Variants in ZDHHC9 observed in about 807,000 individuals in gnomAD.
ZDHHC9 encodes zDHHC palmitoyltransferase 9, also known as palmitoyltransferase ZDHHC9.
ZDHHC9 carries 3 observed loss-of-function variants against 26.6 expected under a neutral mutation model. The ratio of observed to expected loss-of-function variants is 0.11; its 90% CI spans 0.05 to 0.29. ZDHHC9 has a LOEUF of 0.29. ZDHHC9 is among the 10% of genes least tolerant of loss of function. The pLI is 1.00. For synonymous variants in ZDHHC9, 111 were observed against 109.4 expected, an observed-to-expected ratio of 1.01 and a Z score of -0.09; for missense variants, 146 against 296.4, an observed-to-expected ratio of 0.49 and a Z score of 3.73.
intron 5 of ZDHHC9, among the ~76,000 whole-genome samples, chrX:129,822,143 C>T (rs1003389562): frequency 9.0e-6 from 1 of 111,078 alleles, no homozygotes; most frequent in African/African-American, 3.3e-5. Flanking sequence ...ACCATAAAGA[C>T]ACATGCACAC....
intron 3 of ZDHHC9, among the ~76,000 whole-genome samples, chrX:129,840,371 A>G (rs1737873): frequency 0.2 from 21,935 of 110,796 alleles, 4,253 homozygotes; most frequent in African/African-American, 0.59. Flanking sequence ...AAGAAGCAGG[A>G]CAGGAATGAG....
At position 129,806,398 on chromosome X, in the gene ZDHHC9, G is replaced by C; in HGVS notation, c.1067C>G (p.Pro356Arg). The part of the protein sequence containing the change: ...EMPPPEPPEP[P>R]QEAAEAEK ...CTTCTCAGCTTCAGCTGCCTCCTGT[G>C]GTGGCTCTGGGGGCTCTGGAGGTGG... is the stretch of plus-strand genomic sequence containing the variant. Residue 356 changes from proline (P) to arginine (R), a missense_variant, in exon 11 of 11, where the codon CCA becomes CGA. This residue lies in a region of ZDHHC9 where 46 missense variants were observed against 46.4 expected (regional missense o/e 0.99). Transcript: ENST00000357166. The C allele has an allele frequency of 8.3e-7, 1 of 1,211,458 alleles. No homozygotes were observed. Among genetic ancestry groups the C allele is most frequent in the Non-Finnish European group, 1.1e-6 (1 of 895,231 alleles).
At chrX:129,833,872 C>T (rs757460073) in intron 3 of ZDHHC9, among the ~76,000 whole-genome samples, 1 of 111,470 alleles carries the variant, frequency 9.0e-6, no homozygotes, top group Admixed American at 9.5e-5. Flanking sequence ...GGATCAGAGC[C>T]CCATGATACT....
Position 129,810,905 on chromosome X carries a change from T to G in ZDHHC9, c.978A>C (p.Pro326=), listed in dbSNP as rs759600399. 8.3e-7 allele frequency: 1 copy of G among 1,209,109 alleles called. No homozygotes were observed. Among genetic ancestry groups the G allele is most frequent in the Non-Finnish European group, 1.1e-6 (1 of 893,263 alleles). ...ETSSSLLPQS[P]APTEHLNSNE... is the part of the protein sequence containing the mutation. ...CCAGCCTTAAGTCAGGAACACTTAC[T>G]GGGCTCTGTGGCAAGAGGCTGCTAC... The change falls in exon 10 of 11, where the codon CCA becomes CCC. Residue 326 remains proline, a splice_region_variant and synonymous_variant. Coordinates refer to ENST00000357166, the MANE Select transcript of ZDHHC9 (RefSeq NM_016032.4).
In ZDHHC9 at chrX:129,816,085, T is replaced by C. The variant is rs181307459; in HGVS notation, c.488-1290A>G. On this transcript the variant is annotated intron_variant, in intron 5 of 10. Transcript: ENST00000357166. ...CACAGGTTTTGCATCTTGTGAATAC[T>C]GTACATTTGAACCTTGAACAACTCA... Among the ~76,000 whole-genome samples the C allele has an allele frequency of 4.2e-3, 475 of 112,221 alleles. 2 individuals are homozygous for C. The highest frequency in any genetic ancestry group is 0.015 in the African/African-American group (450 of 30,901).
At chrX:129,834,403 T>C (rs73565445) in intron 3 of ZDHHC9, among the ~76,000 whole-genome samples, 9,076 of 111,668 alleles carry the variant, frequency 0.081, 915 homozygotes, top group African/African-American at 0.28. Flanking sequence ...CAGAGTCTGC[T>C]GAGAGGGGAA....
intron 5 of ZDHHC9, 24 bp downstream of exon 5, chrX:129,823,655 C>T (rs1927942267): frequency 2.5e-6 from 3 of 1,209,857 alleles, no homozygotes; most frequent in African/African-American, 1.7e-5. Context: ...TTTCCCTAGG[C>T]AATGTCCCTG....
At chrX:129,832,778 G>A (rs988744240) in intron 3 of ZDHHC9, among the ~76,000 whole-genome samples, 9 of 83,110 alleles carry the variant, frequency 1.1e-4, no homozygotes, top group African/African-American at 4.2e-4. Context: ...GCAAGACTCC[G>A]TCTCAAAAAT....
intron 5 of ZDHHC9, 75 bp downstream of exon 5, chrX:129,823,603 CA>C: frequency 8.7e-7 from 1 of 1,154,608 alleles, no homozygotes. Context: ...TCCCTCCTCC[CA>C]AAATTGGTGA....
Position 129,812,736 on chromosome X carries a change from G to A in ZDHHC9, c.759C>T (p.Asn253=). Residue 253 remains asparagine (N), a synonymous_variant, in exon 8 of 11, where the codon AAC becomes AAT. Transcript: ENST00000357166. ...TGFHTFLVAL[N]QTTNEDIKGS... ...GACTCACGTCTTCATTGGTTGTCTG[G>A]TTGAGAGCCACGAGGAAAGTATGAA... 1.7e-6 allele frequency: 2 copies of A among 1,210,229 alleles called. No individual in the cohort carries two copies. Among genetic ancestry groups the A allele is most frequent in the Non-Finnish European group, 1.1e-6 (1 of 894,118 alleles).
At chrX:129,815,631 A>G (rs762656797) in intron 5 of ZDHHC9, among the ~76,000 whole-genome samples, 103 of 111,796 alleles carry the variant, frequency 9.2e-4, no homozygotes, top group African/African-American at 3.2e-3. Flanking sequence ...TACACATTGC[A>G]TGCCTGTATC....
chrX:129,817,722 C>A (rs1348297396), intron 5 of ZDHHC9, among the ~76,000 whole-genome samples: 2 of 110,060 alleles, frequency 1.8e-5, no homozygotes, highest in Non-Finnish European at 3.8e-5. Flanking sequence ...CGGAATCACA[C>A]AATATTTGTC....
intron 5 of ZDHHC9, among the ~76,000 whole-genome samples, chrX:129,818,057 G>A (rs1232796503): frequency 8.9e-6 from 1 of 111,887 alleles, no homozygotes; most frequent in African/African-American, 3.2e-5. Flanking sequence ...CTTGGAGGCA[G>A]AACCTTTAAG....
At chrX:129,842,890 G>T (rs184571993) in intron 2 of ZDHHC9, among the ~76,000 whole-genome samples, 3 of 112,510 alleles carry the variant, frequency 2.7e-5, no homozygotes, top group South Asian at 7.3e-4. Flanking sequence ...TGGCTGGTTG[G>T]GGGGTGGGGA....
At chrX:129,841,691 G>A in intron 3 of ZDHHC9, 88 bp downstream of exon 3, 1 of 1,124,173 alleles carries the variant, frequency 8.9e-7, no homozygotes, top group Non-Finnish European at 1.2e-6. Flanking sequence ...AGTCATCCAA[G>A]GACCAGCCCC....
intron 10 of ZDHHC9, among the ~76,000 whole-genome samples, chrX:129,808,131 T>C (rs1422098872): frequency 8.9e-6 from 1 of 112,170 alleles, no homozygotes; most frequent in Non-Finnish European, 1.9e-5. Context: ...CTTGTTAGGA[T>C]GGCAATATTT....
At chrX:129,835,244 C>A (rs1223771618) in intron 3 of ZDHHC9, among the ~76,000 whole-genome samples, 4 of 110,538 alleles carry the variant, frequency 3.6e-5, no homozygotes, top group African/African-American at 1.3e-4. Context: ...CTCAGGAGTT[C>A]AAGACCAGCC....
At chrX:129,829,452 C>T (rs1320250532) in intron 3 of ZDHHC9, among the ~76,000 whole-genome samples, 1 of 111,946 alleles carries the variant, frequency 8.9e-6, no homozygotes, top group East Asian at 2.8e-4. Context: ...GAAAGGTTCA[C>T]ACCTGCTAAG....
chrX:129,832,784 A>AAAATAAATAAATAAAT (rs58029912), intron 3 of ZDHHC9, among the ~76,000 whole-genome samples: 5,912 of 100,177 alleles, frequency 0.059, 695 homozygotes, highest in African/African-American at 0.24. Flanking sequence ...CTCCGTCTCA[A>AAAATAAATAAATAAAT]AAATAAATAA....
Sources: gnomAD v4.1 joint callset for allele counts (sites outside exome capture counted in the v4.1 genomes callset) on GRCh38, gnomAD v4.1.1 for gene constraint, gnomAD v4.1.1 regional missense constraint, MANE v1.5 for transcripts, NCBI Gene and HGNC (gene_info 2026-07-23, HGNC 2026-07-21) for gene names.